The following ADAMTS19 variants were observed in gnomAD, a reference collection of about 807,000 sequenced individuals.
ADAMTS19 encodes A disintegrin and metalloproteinase with thrombospondin motifs 19.
A neutral mutation model predicts 153.3 loss-of-function variants in ADAMTS19; 93 were observed. The ratio of observed to expected loss-of-function variants is 0.61; its 90% CI spans 0.51 to 0.72. The LOEUF (loss-of-function observed/expected upper bound fraction) is 0.72, where lower values mean the gene tolerates loss of function less well. Ranked by LOEUF, ADAMTS19 falls within the 30% of genes least tolerant of loss-of-function variation. The pLI is 0.00. For synonymous variants in ADAMTS19, 600 were observed against 556.6 expected (o/e 1.08, Z -1.10); for missense variants, 1,482 against 1,552.1 (o/e 0.95, Z 0.76).
At chr5:129,503,882 G>A (rs186252486) in intron 2 of ADAMTS19, among the ~76,000 whole-genome samples, 9 of 152,020 alleles carry the variant, frequency 5.9e-5, no homozygotes, top group Admixed American at 1.3e-4. Context: ...TCAGACATTT[G>A]TCTAACATGT....
At chr5:129,519,518 G>C (rs1175661503) in intron 3 of ADAMTS19, among the ~76,000 whole-genome samples, 1 of 152,024 alleles carries the variant, frequency 6.6e-6, no homozygotes, top group Non-Finnish European at 1.5e-5. Flanking sequence ...CTAGTCCACT[G>C]TCTCTAGCAC....
At chr5:129,567,234 T>C (rs1053038893) in intron 7 of ADAMTS19, among the ~76,000 whole-genome samples, 6 of 152,148 alleles carry the variant, frequency 3.9e-5, no homozygotes, top group African/African-American at 1.4e-4. Flanking sequence ...GTTGATTTTA[T>C]GCTAAAAAAA....
intron 6 of ADAMTS19, among the ~76,000 whole-genome samples, chr5:129,544,644 C>A (rs1752789789): frequency 6.6e-6 from 1 of 152,058 alleles, no homozygotes; most frequent in African/African-American, 2.4e-5. Context: ...GTTTAGTAAG[C>A]AACTAAGGTA....
chr5:129,573,925 C>T (rs970064579), intron 7 of ADAMTS19, among the ~76,000 whole-genome samples: 2 of 151,928 alleles, frequency 1.3e-5, no homozygotes, highest in African/African-American at 2.4e-5. Context: ...TAGAAACCCC[C>T]CAAAGTCCTC....
intron 21 of ADAMTS19, among the ~76,000 whole-genome samples, chr5:129,726,009 A>G (rs1757196174): frequency 6.6e-6 from 1 of 152,118 alleles, no homozygotes; most frequent in Admixed American, 6.6e-5. Context: ...TTTGGTGGGG[A>G]AAAGGGATTA....
chr5:129,663,372 A>T (rs1753904145), intron 15 of ADAMTS19, among the ~76,000 whole-genome samples: 1 of 152,200 alleles, frequency 6.6e-6, no homozygotes, highest in East Asian at 1.9e-4. Flanking sequence ...TTTTCTCTAG[A>T]TTCCAGATGT....
chr5:129,627,830 T>C (rs968024308), intron 10 of ADAMTS19, among the ~76,000 whole-genome samples: 1 of 152,078 alleles, frequency 6.6e-6, no homozygotes, highest in African/African-American at 2.4e-5. Context: ...GGAAGACTTA[T>C]ACACTGTTAA....
In ADAMTS19 at chr5:129,648,821, G is replaced by A; in HGVS notation, c.2027G>A (p.Cys676Tyr). 2 of 1,613,806 alleles carry A rather than the reference G, an allele frequency of 1.2e-6. No homozygotes were observed. The highest frequency in any genetic ancestry group is 8.5e-7 in the Non-Finnish European group (1 of 1,179,878). The stretch of plus-strand genomic sequence containing the variant: ...AGGCTAGATTCTGAAGCAAGGGATT[G>A]TAATGGTCCCAGAAAACAATACAGA... ...CPGLDSEARD[C>Y]NGPRKQYRIC... Residue 676 changes from cysteine (C) to tyrosine (Y), a missense_variant, in exon 13 of 23, where the codon TGT (cysteine) becomes TAT (tyrosine). Around this residue, in one of 2 missense-constraint regions of ADAMTS19, gnomAD observed 616 missense variants for 724.4 expected, o/e 0.85. Transcript: ENST00000274487.
rs1014827559 is a variant in ADAMTS19, at chr5:129,460,762, C to T, written c.91+280C>T. On this transcript the variant is annotated intron_variant, in intron 1 of 22. Coordinates refer to ENST00000274487, the MANE Select transcript of ADAMTS19 (RefSeq NM_133638.6). ...CACCTGGAGGAAAATTAGAACGTAC[C>T]TAAGTTGATAGCAACGCTCTGCTCT... The T allele has an allele frequency of 7.1e-6, 4 of 561,988 alleles. No individual in the cohort carries two copies. In the Admixed American group the frequency reaches 9.4e-5, roughly 13 times the overall value. The allele number at this position is 561,988 out of a possible 1,614,324, so 34.8% of individuals were successfully genotyped here. A position where few individuals can be genotyped will look rare whatever the true frequency, so the allele number is the denominator to read the frequency against.
chr5:129,646,109 C>T (rs1753056577), intron 11 of ADAMTS19, among the ~76,000 whole-genome samples: 2 of 150,930 alleles, frequency 1.3e-5, no homozygotes, highest in African/African-American at 2.4e-5. Context: ...GGGATGGTCT[C>T]GATCTCCTGA....
intron 7 of ADAMTS19, among the ~76,000 whole-genome samples, chr5:129,577,483 G>A (rs912799803): frequency 7.2e-5 from 11 of 152,036 alleles, no homozygotes; most frequent in Non-Finnish European, 1.5e-4. Flanking sequence ...CAGGGGAGAA[G>A]GAAATTTATA....
chr5:129,653,390 T>A (rs1447522069), intron 13 of ADAMTS19, among the ~76,000 whole-genome samples: 1 of 152,188 alleles, frequency 6.6e-6, no homozygotes, highest in Non-Finnish European at 1.5e-5. Flanking sequence ...GTAGGAGGCT[T>A]AGAAATGGAC....
chr5:129,474,522 A>G (rs1750163831), intron 2 of ADAMTS19, among the ~76,000 whole-genome samples: 1 of 152,124 alleles, frequency 6.6e-6, no homozygotes, highest in Admixed American at 6.6e-5. Flanking sequence ...CCCCCCAGTA[A>G]TGTATGAGGA....
chr5:129,722,770 G>T (rs1757057636), intron 21 of ADAMTS19, among the ~76,000 whole-genome samples: 1 of 152,090 alleles, frequency 6.6e-6, no homozygotes, highest in African/African-American at 2.4e-5. Context: ...TACAATTTCA[G>T]GAGTGAAATT....
intron 19 of ADAMTS19, among the ~76,000 whole-genome samples, chr5:129,699,705 T>A (rs554968628): frequency 6.6e-6 from 1 of 152,240 alleles, no homozygotes; most frequent in South Asian, 2.1e-4. Context: ...GGCGTGGGGC[T>A]GGCTGTCAAG....
chr5:129,645,840 G>T (rs771453192), intron 11 of ADAMTS19, among the ~76,000 whole-genome samples: 2 of 149,092 alleles, frequency 1.3e-5, no homozygotes, highest in Non-Finnish European at 3.0e-5. Context: ...CTTAAAACAA[G>T]TAAGTAATGT....
At chr5:129,700,709 A>G (rs1292874405) in intron 19 of ADAMTS19, among the ~76,000 whole-genome samples, 1 of 152,184 alleles carries the variant, frequency 6.6e-6, no homozygotes, top group Non-Finnish European at 1.5e-5. Flanking sequence ...ACTCCTGGAT[A>G]TTAGCAATTT....
chr5:129,553,540 A>C (rs781210622), intron 7 of ADAMTS19, among the ~76,000 whole-genome samples: 10 of 152,130 alleles, frequency 6.6e-5, no homozygotes, highest in African/African-American at 9.7e-5. Flanking sequence ...GTTCATTAAG[A>C]TCTTCAAATA....
At chr5:129,486,522 G>C (rs1270807470) in intron 2 of ADAMTS19, among the ~76,000 whole-genome samples, 1 of 152,064 alleles carries the variant, frequency 6.6e-6, no homozygotes, top group Non-Finnish European at 1.5e-5. Flanking sequence ...AAGATAACTT[G>C]ACAAAATTCG....
Sources: gnomAD v4.1 joint callset for allele counts (sites outside exome capture counted in the v4.1 genomes callset) on GRCh38, gnomAD v4.1.1 for gene constraint, gnomAD v4.1.1 regional missense constraint, MANE v1.5 for transcripts, NCBI Gene and HGNC (gene_info 2026-07-23, HGNC 2026-07-21) for gene names.